The following TRANK1 variants were observed in gnomAD, a reference collection of about 807,000 sequenced individuals.
TRANK1 encodes the protein TPR and ankyrin repeat-containing protein 1.
Under a neutral mutation model 266.0 loss-of-function variants are expected in TRANK1, and 198 were observed. That is an observed-to-expected ratio of 0.74 (90% CI 0.66 to 0.84). The LOEUF is 0.84. Among genes scored for constraint, TRANK1 ranks in the 40% least tolerant of loss-of-function variants. The pLI is 0.00. For synonymous variants in TRANK1, 1,396 were observed against 1,384.1 expected (o/e 1.01, Z -0.19); for missense variants, 3,326 against 3,634.6 (o/e 0.92, Z 2.18).
intron 1 of TRANK1, among the ~76,000 whole-genome samples, chr3:36,919,447 T>C (rs1321500522): frequency 1.3e-5 from 2 of 152,404 alleles, no homozygotes; most frequent in East Asian, 3.9e-4. Context: ...TATTGTTGTA[T>C]ATATCAGTAA....
At position 36,832,559 on chromosome 3, in the gene TRANK1, T is replaced by G; in HGVS notation, c.7024A>C (p.Asn2342His). Residue 2342 changes from asparagine (N) to histidine (H), a missense_variant, in exon 22 of 24, where the codon AAC becomes CAC. Asn to His is a moderately conservative substitution (Grantham distance 68, BLOSUM62 1). Coordinates refer to ENST00000645898, the MANE Select transcript of TRANK1 (RefSeq NM_001329998.2). ...SAMQAFLLSS[N>H]YPEEFEKLLH... is the part of the protein sequence containing the mutation. ...AGCTTTTCAAACTCCTCCGGGTAGTTGGAAGAGAGAAGGAAAGCTTGCATG... is the reference window on the plus strand; with the variant it reads ...AGCTTTTCAAACTCCTCCGGGTAGTGGGAAGAGAGAAGGAAAGCTTGCATG... 6.2e-7 allele frequency: 1 copy of G among 1,613,986 alleles called. No individual in the cohort carries two copies. The highest frequency in any genetic ancestry group is 2.2e-5 in the East Asian group (1 of 44,880).
At chr3:36,866,111 A>AG (rs963823089) in intron 9 of TRANK1, among the ~76,000 whole-genome samples, 4 of 149,474 alleles carry the variant, frequency 2.7e-5, no homozygotes, top group Non-Finnish European at 4.4e-5. Flanking sequence ...AAAGAAAGAA[A>AG]GAAAGAGTCA....
chr3:36,863,610 C>G (rs1470502285), intron 10 of TRANK1, among the ~76,000 whole-genome samples: 1 of 152,150 alleles, frequency 6.6e-6, no homozygotes, highest in African/African-American at 2.4e-5. Flanking sequence ...ACTAATTGTT[C>G]TATATTCATT....
chr3:36,836,102 A>T (rs1431539861), intron 20 of TRANK1, among the ~76,000 whole-genome samples: 2 of 152,222 alleles, frequency 1.3e-5, no homozygotes, highest in Non-Finnish European at 2.9e-5. Flanking sequence ...AGAAAATCAC[A>T]ATCTGCTGAC....
chr3:36,834,867 T>C lies in TRANK1; in HGVS notation c.5558A>G (p.Tyr1853Cys). The stretch of plus-strand genomic sequence containing the variant: ...CTCAAAGCATCTGAAAGCGTCTTTG[T>C]AGCACTGGCTTCGCTTATAGAAATA... ...AAYFYKRSQC[Y>C]KDAFRCFEQI... The change falls in exon 21 of 24, where the codon TAC (tyrosine) becomes TGC (cysteine). Residue 1853 changes from tyrosine to cysteine, a missense_variant. Tyr to Cys is a radical substitution (Grantham distance 194). Transcript: ENST00000645898. 1 of 1,613,600 alleles carries C rather than the reference T, an allele frequency of 6.2e-7. No individual in the cohort carries two copies. Among genetic ancestry groups the C allele is most frequent in the South Asian group, 1.1e-5 (1 of 90,992 alleles).
intron 8 of TRANK1, among the ~76,000 whole-genome samples, chr3:36,877,430 C>T (rs533193612): frequency 3.1e-4 from 47 of 152,164 alleles, no homozygotes; most frequent in African/African-American, 1.0e-3. Context: ...ATGTACAGTT[C>T]CTTCAAACAA....
chr3:36,867,269 G>T (rs897118634), intron 9 of TRANK1, among the ~76,000 whole-genome samples: 41 of 152,000 alleles, frequency 2.7e-4, no homozygotes, highest in African/African-American at 9.9e-4. Context: ...CTTGCTGCTT[G>T]TCTGCCTGAT....
At chr3:36,864,534 G>A in intron 9 of TRANK1, 54 bp from the exon 10 acceptor site, 1 of 1,463,214 alleles carries the variant, frequency 6.8e-7, no homozygotes, top group South Asian at 1.3e-5. Flanking sequence ...AGCTGTTACA[G>A]ATTGCAAAAA....
chr3:36,857,325 C>G lies in TRANK1; in HGVS notation c.2397G>C (p.Gln799His). The change falls in exon 13 of 24, where the codon CAG becomes CAC. Residue 799 changes from glutamine (Q) to histidine (H), a missense_variant. Transcript: ENST00000645898. This position sits in a 1 kb window ranked among gnomAD's most constrained non-coding sequence, Gnocchi z 4.3. ...GHAQVGLGAL[Q>H]LVPDDNRGKE... ...TCCCCCTGTTATCATCAGGCACAAGCTGCAAGGCCCCAAGGCCCACCTGAG... is the reference window on the plus strand; with the variant it reads ...TCCCCCTGTTATCATCAGGCACAAGGTGCAAGGCCCCAAGGCCCACCTGAG... 1 of 1,608,648 alleles carries G rather than the reference C, an allele frequency of 6.2e-7. No individual in the cohort carries two copies. The highest frequency in any genetic ancestry group is 1.3e-5 in the African/African-American group (1 of 74,930).
At chr3:36,853,596 A>T (rs1244195391) in intron 13 of TRANK1, among the ~76,000 whole-genome samples, 1 of 152,236 alleles carries the variant, frequency 6.6e-6, no homozygotes, top group East Asian at 1.9e-4. Flanking sequence ...CAAAAGTTGC[A>T]GTAGAATCCA....
chr3:36,927,774 A>G (rs2080308414), intron 1 of TRANK1, among the ~76,000 whole-genome samples: 1 of 152,116 alleles, frequency 6.6e-6, no homozygotes, highest in Admixed American at 6.5e-5. Context: ...CTCAAATATT[A>G]TTTTTCTACT....
At position 36,831,301 on chromosome 3, in the gene TRANK1, TTTTTGAAGTTCCCAGCCC is replaced by T. The variant is rs2078689931; in HGVS notation, c.8264_8281del (p.Arg2755_Lys2760del). Reference sequence around the variant, plus strand: ...ACACTGGGTCCTGTCCACGTCTGCCTTTTTGAAGTTCCCAGCCCTGGGCTCCCTGGCCTCCTCCCTGAC... The same window carrying T: ...ACACTGGGTCCTGTCCACGTCTGCCTTGGGCTCCCTGGCCTCCTCCCTGAC... On this transcript the variant is annotated inframe_deletion, in exon 22 of 24. Coordinates refer to ENST00000645898, the MANE Select transcript of TRANK1 (RefSeq NM_001329998.2). This position sits in a 1 kb window ranked among gnomAD's most constrained non-coding sequence, Gnocchi z 5.0. 1 of 1,613,460 alleles carries T rather than the reference TTTTTGAAGTTCCCAGCCC, an allele frequency of 6.2e-7. No homozygotes were observed.
rs1346734887 is a variant in TRANK1, at chr3:36,851,698, A to C, written c.4887+21T>G. ...TCATACATAAATATTCATTGTGTGA[A>C]AAGAATTAGGTGTGACATACCTCAG... On this transcript the variant is annotated intron_variant, in intron 15 of 23. Coordinates refer to ENST00000645898, the MANE Select transcript of TRANK1 (RefSeq NM_001329998.2). The C allele has an allele frequency of 3.1e-6, 5 of 1,596,622 alleles. 1 individual carries two copies. The East Asian group carries it at 1.1e-4, about 36-fold the overall frequency.
intron 1 of TRANK1, among the ~76,000 whole-genome samples, chr3:36,942,066 A>C (rs982428855): frequency 6.6e-6 from 1 of 152,224 alleles, no homozygotes; most frequent in African/African-American, 2.4e-5. Flanking sequence ...TTCCCCAAAC[A>C]GGAGGACTGC....
chr3:36,906,255 T>G (rs1345876098), intron 2 of TRANK1, among the ~76,000 whole-genome samples: 2 of 151,326 alleles, frequency 1.3e-5, no homozygotes, highest in African/African-American at 4.9e-5. Context: ...GAGGGGGAGG[T>G]GGAGCCGTGT....
chr3:36,905,144 C>T (rs1487897423), intron 2 of TRANK1, among the ~76,000 whole-genome samples: 1 of 152,010 alleles, frequency 6.6e-6, no homozygotes, highest in East Asian at 1.9e-4. Context: ...AAAAATTAGC[C>T]GGGCGTGGTG....
chr3:36,869,695 C>T (rs972150353), intron 9 of TRANK1, among the ~76,000 whole-genome samples: 2 of 152,260 alleles, frequency 1.3e-5, no homozygotes, highest in African/African-American at 2.4e-5. Flanking sequence ...TGGATAGAAA[C>T]ACCTTCTGGG....
chr3:36,912,218 G>A lies in TRANK1; in HGVS notation c.24-3764C>T, dbSNP rs983576087. Among the ~76,000 whole-genome samples, 5 of 151,330 alleles carry A rather than the reference G, an allele frequency of 3.3e-5. No homozygotes were observed. The East Asian group carries it at 5.8e-4, about 18-fold the overall frequency. On this transcript the variant is annotated intron_variant, in intron 1 of 23. Transcript: ENST00000645898. ...AAAAAAAAAGTGCTATAAGGTCAGC[G>A]TGACTCTATCTCTATTTTGCACATA...
chr3:36,903,733 G>A (rs2079918571), intron 2 of TRANK1, among the ~76,000 whole-genome samples: 1 of 152,236 alleles, frequency 6.6e-6, no homozygotes, highest in South Asian at 2.1e-4. Context: ...ACTCCTGCCT[G>A]TGAGGAGGGG....
Sources: gnomAD v4.1 joint callset for allele counts (sites outside exome capture counted in the v4.1 genomes callset) on GRCh38, gnomAD v4.1.1 for gene constraint, Gnocchi (gnomAD v3.1) non-coding constraint, MANE v1.5 for transcripts, NCBI Gene and HGNC (gene_info 2026-07-23, HGNC 2026-07-21) for gene names.